Variants in MYLK observed in about 807,000 individuals in gnomAD.
The protein encoded by MYLK is myosin light chain kinase, also known as myosin light chain kinase, smooth muscle.
In MYLK, 106 loss-of-function variants were observed where a neutral mutation model predicts 203.4. The observed-to-expected ratio is 0.52, with a 90% CI of 0.45 to 0.61. The LOEUF (loss-of-function observed/expected upper bound fraction) is 0.61. Ranked by LOEUF, MYLK falls within the 20% of genes least tolerant of loss-of-function variation. The pLI is 0.00. For missense variants in MYLK, 2,072 were observed against 2,442.3 expected (o/e 0.85, Z 3.20); for synonymous variants, 867 against 959.5 (o/e 0.90, Z 1.78).
chr3:123,637,857 G>A (rs112550742), intron 29 of MYLK, among the ~76,000 whole-genome samples: 4 of 152,280 alleles, frequency 2.6e-5, no homozygotes, highest in African/African-American at 9.6e-5. Context: ...GCTACATGAT[G>A]CTATAGAATA....
intron 4 of MYLK, among the ~76,000 whole-genome samples, chr3:123,770,021 C>T (rs1034812230): frequency 6.6e-6 from 1 of 151,968 alleles, no homozygotes; most frequent in African/African-American, 2.4e-5. Context: ...TCTAAAAGAA[C>T]AAAGTCAGGC....
intron 4 of MYLK, among the ~76,000 whole-genome samples, chr3:123,756,275 C>A (rs2063356326): frequency 6.6e-6 from 1 of 152,196 alleles, no homozygotes; most frequent in African/African-American, 2.4e-5. Flanking sequence ...AATATCTGCT[C>A]CCCACTTTTG....
At chr3:123,821,974 T>G (rs573904470) in intron 3 of MYLK, among the ~76,000 whole-genome samples, 2 of 152,290 alleles carry the variant, frequency 1.3e-5, no homozygotes, top group South Asian at 4.1e-4. Context: ...TTGTTCTCAT[T>G]AATAGATTCA....
intron 1 of MYLK, among the ~76,000 whole-genome samples, chr3:123,883,829 G>C (rs537774346): frequency 3.3e-5 from 5 of 152,136 alleles, no homozygotes; most frequent in Non-Finnish European, 7.4e-5. Flanking sequence ...ATTTGGGCTG[G>C]AAGGACCTTC....
At chr3:123,851,255 A>G (rs1036497381) in intron 2 of MYLK, among the ~76,000 whole-genome samples, 10 of 152,152 alleles carry the variant, frequency 6.6e-5, no homozygotes, top group African/African-American at 2.4e-4. Context: ...TATGAACTTT[A>G]AAGTAGTTTT....
At chr3:123,763,423 G>T (rs529463115) in intron 4 of MYLK, among the ~76,000 whole-genome samples, 6 of 152,140 alleles carry the variant, frequency 3.9e-5, no homozygotes, top group Non-Finnish European at 7.3e-5. Flanking sequence ...CCACCGTTTT[G>T]ATAGAATACC....
Position 123,701,466 on chromosome 3 carries a change from G to A in MYLK, c.2434C>T (p.Gln812Ter). Residue 812 changes from glutamine to a stop codon, truncating the protein, a stop_gained, in exon 17 of 34, where the codon CAG becomes TAG. Transcript: ENST00000360304. LOFTEE classifies it high-confidence loss of function. ...ECSCQVSLML[Q>*]NSSARALPRG... The stretch of plus-strand genomic sequence containing the variant: ...GGAAGGGCTCTGGCAGAGCTGTTCT[G>A]TAGCATCAGTGACACCTGGCAACTG... 6.2e-7 allele frequency: 1 copy of A among 1,614,088 alleles called. No homozygotes were observed. The highest frequency in any genetic ancestry group is 8.5e-7 in the Non-Finnish European group (1 of 1,180,010).
chr3:123,712,547 G>T (rs2061736568), intron 13 of MYLK, among the ~76,000 whole-genome samples: 1 of 152,194 alleles, frequency 6.6e-6, no homozygotes, highest in South Asian at 2.1e-4. Flanking sequence ...TTTCCTGGGG[G>T]TTTGGCAAAG....
chr3:123,712,734 G>A (rs571512099), intron 13 of MYLK, among the ~76,000 whole-genome samples: 4 of 152,354 alleles, frequency 2.6e-5, no homozygotes, highest in Admixed American at 1.3e-4. Context: ...GTCTGCCTCC[G>A]TCTGAAGCCC....
intron 3 of MYLK, among the ~76,000 whole-genome samples, chr3:123,823,956 T>A (rs1399362549): frequency 6.6e-6 from 1 of 152,080 alleles, no homozygotes; most frequent in African/African-American, 2.4e-5. Flanking sequence ...CAAGACCCCC[T>A]CCTTTATTTT....
chr3:123,857,651 G>T (rs13318646), intron 2 of MYLK, among the ~76,000 whole-genome samples: 18,916 of 125,000 alleles, frequency 0.15, 1,564 homozygotes, highest in South Asian at 0.21. Context: ...CTGTTGTGGG[G>T]TCGGGGGAGG....
In MYLK at chr3:123,629,919, C is replaced by T; in HGVS notation, c.4962-293G>A. The T allele has an allele frequency of 2.3e-6, 1 of 426,426 alleles. No homozygotes were observed. Among genetic ancestry groups the T allele is most frequent in the Non-Finnish European group, 4.4e-6 (1 of 228,378 alleles). 26.4% of individuals were successfully genotyped at this position (426,426 alleles called of 1,614,324 possible). ...AGGGTACGCGGCAGGGCTGATAAGT[C>T]CCTCTGTCCTGGTTTTCTATTATTC... On this transcript the variant is annotated intron_variant, in intron 29 of 33. Transcript: ENST00000360304. This position sits in a 1 kb window ranked among gnomAD's most constrained non-coding sequence, Gnocchi z 4.4.
At chr3:123,812,789 A>G (rs1200245800) in intron 3 of MYLK, among the ~76,000 whole-genome samples, 1 of 152,184 alleles carries the variant, frequency 6.6e-6, no homozygotes, top group Non-Finnish European at 1.5e-5. Flanking sequence ...CACTGAGCTG[A>G]GGCTGTCTGT....
At position 123,699,959 on chromosome 3, in the gene MYLK, A is replaced by G. The variant is rs2061114584; in HGVS notation, c.3448+61T>C. The G allele has an allele frequency of 4.3e-6, 7 of 1,611,140 alleles. No homozygotes were observed. In the South Asian group the frequency reaches 7.7e-5, roughly 18 times the overall value. ...CAGGGGTCAGCGAGACCAACGCTCC[A>G]TGAGCTAGGAGTGGCCCTGGTACAG... On this transcript the variant is annotated intron_variant, in intron 18 of 33. Coordinates refer to ENST00000360304, the MANE Select transcript of MYLK (RefSeq NM_053025.4).
Position 123,716,623 on chromosome 3 carries a change from G to A in MYLK, c.1804+5505C>T, listed in dbSNP as rs138821011. Among the ~76,000 whole-genome samples, 312 of 152,282 alleles carry A rather than the reference G, an allele frequency of 2.0e-3. 3 individuals carry two copies. Among genetic ancestry groups the A allele is most frequent in the African/African-American group, 7.1e-3 (295 of 41,562 alleles). ...ATCACACTCTAAACATAAAGGTATGGCATCCAAACCACCCACTGTTCCCTC... is the reference window on the plus strand; with the variant it reads ...ATCACACTCTAAACATAAAGGTATGACATCCAAACCACCCACTGTTCCCTC... On this transcript the variant is annotated intron_variant, in intron 13 of 33. Transcript: ENST00000360304.
intron 3 of MYLK, 117 bp downstream of exon 3, chr3:123,831,430 TG>T (rs1560273508): frequency 7.8e-7 from 1 of 1,289,428 alleles, no homozygotes; most frequent in Non-Finnish European, 1.0e-6. Flanking sequence ...CATCTCACCT[TG>T]GGGGCAGCAG....
In MYLK at chr3:123,860,622, T is replaced by C. The variant is rs150102279; in HGVS notation, c.-127+15937A>G. Reference sequence around the variant, plus strand: ...CACTGAAAAAAGCCCTGTCTGAGAATAATTCTTGTGTCTGAGCCCAAGATG... The same window carrying C: ...CACTGAAAAAAGCCCTGTCTGAGAACAATTCTTGTGTCTGAGCCCAAGATG... On this transcript the variant is annotated intron_variant, in intron 2 of 33. Coordinates refer to ENST00000360304, the MANE Select transcript of MYLK (RefSeq NM_053025.4). 1.8e-3 allele frequency among the ~76,000 whole-genome samples: 277 copies of C among 152,286 alleles called. 2 individuals carry two copies. The highest frequency in any genetic ancestry group is 2.9e-3 in the Non-Finnish European group (196 of 68,026).
At chr3:123,882,058 A>T (rs2033580683) in intron 1 of MYLK, among the ~76,000 whole-genome samples, 1 of 152,194 alleles carries the variant, frequency 6.6e-6, no homozygotes, top group African/African-American at 2.4e-5. Context: ...TCTGCTCTGC[A>T]TATGTTTTCT....
chr3:123,849,819 G>C (rs2030524740), intron 2 of MYLK, among the ~76,000 whole-genome samples: 1 of 151,774 alleles, frequency 6.6e-6, no homozygotes, highest in South Asian at 2.1e-4. Context: ...ATGTATACAT[G>C]TGCCCTGTTG....
Sources: gnomAD v4.1 joint callset for allele counts (sites outside exome capture counted in the v4.1 genomes callset) on GRCh38, gnomAD v4.1.1 for gene constraint, Gnocchi (gnomAD v3.1) non-coding constraint, MANE v1.5 for transcripts, NCBI Gene and HGNC (gene_info 2026-07-23, HGNC 2026-07-21) for gene names.